Variants in RELN observed in about 807,000 individuals in gnomAD.
RELN encodes the protein reelin.
In RELN, 108 loss-of-function variants were observed where a neutral mutation model predicts 427.6. The ratio of observed to expected loss-of-function variants is 0.25; its 90% confidence interval spans 0.22 to 0.30. The LOEUF is 0.30. Among genes scored for constraint, RELN ranks in the 10% least tolerant of loss-of-function variants. The pLI, the probability that RELN is intolerant of heterozygous loss-of-function variation, is 1.00. For missense variants in RELN, 3,715 were observed against 4,302.8 expected, an observed-to-expected ratio of 0.86 and a Z score of 3.82; for synonymous variants, 1,524 against 1,513.4, an observed-to-expected ratio of 1.01 and a Z score of -0.16.
intron 1 of RELN, among the ~76,000 whole-genome samples, chr7:103,965,173 AT>A (rs756712328): frequency 6.6e-6 from 1 of 152,230 alleles, no homozygotes; most frequent in Non-Finnish European, 1.5e-5. Flanking sequence ...TAAGGCCAAG[AT>A]TTTTCAAACT....
chr7:103,850,418 G>C (rs1793794171), intron 2 of RELN, among the ~76,000 whole-genome samples: 1 of 152,166 alleles, frequency 6.6e-6, no homozygotes, highest in Non-Finnish European at 1.5e-5. Flanking sequence ...GAAATCCAGA[G>C]GTAGGGGAAG....
intron 16 of RELN, among the ~76,000 whole-genome samples, chr7:103,647,274 C>T (rs367968014): frequency 1.3e-5 from 2 of 151,686 alleles, no homozygotes; most frequent in African/African-American, 2.4e-5. Context: ...AAATTATCTC[C>T]GTTTGGTTAT....
Position 103,498,498 on chromosome 7 carries a change from AT to A in RELN, c.8668-247del, listed in dbSNP as rs11289934. On this transcript the variant is annotated intron_variant, in intron 53 of 64. Transcript: ENST00000428762. ...AATAATTGTAAAGTTGACTATATCA[AT>A]TTTTTTTTTTGAGACGAAGTCTTGC... Among the ~76,000 whole-genome samples the A allele has an allele frequency of 0.44, 66,557 of 150,016 alleles. 16,759 individuals carry two copies. Among genetic ancestry groups the A allele is most frequent in the African/African-American group, 0.7 (28,875 of 41,042 alleles).
At chr7:103,982,802 C>T (rs1387160405) in intron 1 of RELN, among the ~76,000 whole-genome samples, 2 of 152,084 alleles carry the variant, frequency 1.3e-5, no homozygotes, top group Non-Finnish European at 2.9e-5. Context: ...AACATGTCAC[C>T]TTTCCTATCA....
chr7:103,697,863 G>C lies in RELN; in HGVS notation c.1133C>G (p.Ala378Gly). 2 of 1,613,624 alleles carry C rather than the reference G, an allele frequency of 1.2e-6. No homozygotes were observed. Among genetic ancestry groups the C allele is most frequent in the East Asian group, 2.2e-5 (1 of 44,858 alleles). ...AAAAAGAGCTCTAACCTTAACTGTA[G>C]CTCCTGGGAAGAAAAGCCAGTTGCC... ...DTGNWLFFPG[A>G]TVKHSCQSDG... Residue 378 changes from alanine to glycine, a missense_variant, in exon 10 of 65, where the codon GCT (alanine) becomes GGT (glycine). Transcript: ENST00000428762.
intron 3 of RELN, among the ~76,000 whole-genome samples, chr7:103,785,676 A>C (rs1563012216): frequency 1.3e-5 from 2 of 152,220 alleles, no homozygotes; most frequent in South Asian, 2.1e-4. Flanking sequence ...TCAATGATTT[A>C]TGTTGATCTT....
intron 3 of RELN, among the ~76,000 whole-genome samples, chr7:103,817,253 A>G (rs1431952930): frequency 6.6e-6 from 1 of 152,208 alleles, no homozygotes; most frequent in Admixed American, 6.5e-5. Flanking sequence ...TCAAGTTAGC[A>G]TTTCACTCTC....
intron 55 of RELN, among the ~76,000 whole-genome samples, chr7:103,497,407 CTTTT>C (rs150275579): frequency 6.6e-6 from 1 of 151,892 alleles, no homozygotes; most frequent in African/African-American, 2.4e-5. Flanking sequence ...CAAAATCAGA[CTTTT>C]TTTTCACAAT....
chr7:103,748,908 C>T (rs1790923756), intron 6 of RELN, among the ~76,000 whole-genome samples: 1 of 152,182 alleles, frequency 6.6e-6, no homozygotes, highest in Non-Finnish European at 1.5e-5. Context: ...CCAACAAATT[C>T]ATGCATCCAT....
At chr7:103,644,286 T>C (rs756601845) in intron 16 of RELN, among the ~76,000 whole-genome samples, 1 of 151,640 alleles carries the variant, frequency 6.6e-6, no homozygotes, top group Non-Finnish European at 1.5e-5. Context: ...AGATAAAGAA[T>C]TCAAAATATT....
intron 2 of RELN, among the ~76,000 whole-genome samples, chr7:103,852,816 T>A (rs1483495492): frequency 6.6e-6 from 1 of 152,092 alleles, no homozygotes; most frequent in African/African-American, 2.4e-5. Context: ...GGTAGCAGAT[T>A]ATGTACCATA....
intron 6 of RELN, among the ~76,000 whole-genome samples, chr7:103,730,840 CCTCTAGGAGGTCAA>C (rs1271240469): frequency 1.3e-5 from 2 of 152,042 alleles, no homozygotes; most frequent in African/African-American, 4.8e-5. Context: ...AATGCCCATC[CCTCTAGGAGGTCAA>C]ATCCAACCCT....
intron 25 of RELN, 105 bp downstream of exon 25, chr7:103,596,351 G>GA (rs1343447549): frequency 8.5e-5 from 81 of 954,428 alleles, no homozygotes; most frequent in Non-Finnish European, 1.0e-5. Flanking sequence ...ATTTTTATAG[G>GA]TTTGTCTATT....
In RELN at chr7:103,505,906, G is replaced by A. The variant is rs373144080; in HGVS notation, c.8275-2676C>T. On this transcript the variant is annotated intron_variant, in intron 51 of 64. Transcript: ENST00000428762. ...TAGAGAAGAATATAAATGACCTGATGGAGCTGAAAAACACAGCACGAGAAC... is the reference window on the plus strand; with the variant it reads ...TAGAGAAGAATATAAATGACCTGATAGAGCTGAAAAACACAGCACGAGAAC... Among the ~76,000 whole-genome samples the A allele has an allele frequency of 1.3e-4, 20 of 152,158 alleles. No individual in the cohort carries two copies. In the East Asian group the frequency reaches 1.7e-3, roughly 13 times the overall value.
chr7:103,702,761 T>C (rs539672411), intron 8 of RELN, among the ~76,000 whole-genome samples: 3 of 152,194 alleles, frequency 2.0e-5, no homozygotes, highest in Non-Finnish European at 4.4e-5. Context: ...CCTCACTGGC[T>C]CTTGCCAGAT....
intron 2 of RELN, among the ~76,000 whole-genome samples, chr7:103,844,819 G>GA (rs1439652139): frequency 6.6e-6 from 1 of 152,172 alleles, no homozygotes; most frequent in African/African-American, 2.4e-5. Flanking sequence ...ATTAAATGTT[G>GA]AAATTTTATT....
At chr7:103,949,513 C>T (rs1392180163) in intron 1 of RELN, among the ~76,000 whole-genome samples, 3 of 152,058 alleles carry the variant, frequency 2.0e-5, no homozygotes, top group East Asian at 1.9e-4. Flanking sequence ...CACAAGACAG[C>T]TTCCTTTTTC....
chr7:103,768,386 G>C (rs957402039), intron 4 of RELN, among the ~76,000 whole-genome samples: 1 of 151,984 alleles, frequency 6.6e-6, no homozygotes, highest in East Asian at 1.9e-4. Context: ...TCTGAATCTG[G>C]TCTATGTTCC....
At chr7:103,936,441 T>G (rs12705169) in intron 1 of RELN, among the ~76,000 whole-genome samples, 37,246 of 151,984 alleles carry the variant, frequency 0.25, 5,739 homozygotes, top group Non-Finnish European at 0.34. Context: ...CCTCTTCACA[T>G]AGCAGCCACA....
Sources: gnomAD v4.1 joint callset for allele counts (sites outside exome capture counted in the v4.1 genomes callset) on GRCh38, gnomAD v4.1.1 for gene constraint, MANE v1.5 for transcripts, NCBI Gene and HGNC (gene_info 2026-07-23, HGNC 2026-07-21) for gene names.